Variants in PPM1N observed in about 807,000 individuals in gnomAD.
PPM1N encodes the protein protein phosphatase, Mg2+/Mn2+ dependent 1N (putative).
Under a neutral mutation model 32.6 loss-of-function variants are expected in PPM1N, and 35 were observed. The ratio of observed to expected loss-of-function variants is 1.07; its 90% CI spans 0.82 to 1.43. The LOEUF (loss-of-function observed/expected upper bound fraction) is 1.43. Ranked by LOEUF, PPM1N falls within the 40% of genes most tolerant of loss-of-function variation. The pLI is 0.00. For synonymous variants in PPM1N, 275 were observed against 270.5 expected, an observed-to-expected ratio of 1.02 and a Z score of -0.16; for missense variants, 648 against 606.6, an observed-to-expected ratio of 1.07 and a Z score of -0.72.
chr19:45,499,353 G>T lies in PPM1N; in HGVS notation c.881G>T (p.Arg294Leu). 1 of 1,611,796 alleles carries T rather than the reference G, an allele frequency of 6.2e-7. No individual in the cohort carries two copies. The highest frequency in any genetic ancestry group is 8.5e-7 in the Non-Finnish European group (1 of 1,179,370). ...ALAGLVASRL[R>L]LGLAPELLCA... The stretch of plus-strand genomic sequence containing the variant: ...GCGGGACTGGTGGCTTCACGCCTCC[G>T]CTTGGGCCTGGCCCCAGAGCTTCTC... Residue 294 changes from arginine (R) to leucine (L), a missense_variant, in exon 1 of 5, where the codon CGC becomes CTC. Arg to Leu is a moderately radical substitution (Grantham distance 102, BLOSUM62 -2). Transcript: ENST00000451287.
chr19:45,500,961 C>T (rs1359475326), intron 4 of PPM1N, among the ~76,000 whole-genome samples: 1 of 151,912 alleles, frequency 6.6e-6, no homozygotes, highest in Non-Finnish European at 1.5e-5. Context: ...AGGGATCCTC[C>T]TGCTTTGGCC....
chr19:45,500,480 C>T lies in PPM1N; in HGVS notation c.1082C>T (p.Pro361Leu), dbSNP rs765073032. 9.3e-6 allele frequency: 15 copies of T among 1,610,202 alleles called. 1 individual carries two copies. The South Asian group carries it at 1.6e-4, about 17-fold the overall frequency. Residue 361 changes from proline to leucine, a missense_variant, in exon 3 of 5, where the codon CCC (proline) becomes CTC (leucine). Coordinates refer to ENST00000451287, the MANE Select transcript of PPM1N (RefSeq NM_001080401.2). Reference sequence around the variant, plus strand: ...GAACTGTGTGCCTCTGCTCAGAAGCCCCCCAGCCTGAACACAGTTTTCAGG... The same window carrying T: ...GAACTGTGTGCCTCTGCTCAGAAGCTCCCCAGCCTGAACACAGTTTTCAGG... ...IAELCASAQK[P>L]PSLNTVFRTL...
rs114945372 is a variant in PPM1N, at chr19:45,501,262, G to A, written c.1224+552G>A. Among the ~76,000 whole-genome samples, 672 of 152,324 alleles carry A rather than the reference G, an allele frequency of 4.4e-3. 5 individuals carry two copies. The highest frequency in any genetic ancestry group is 0.016 in the African/African-American group (651 of 41,568). ...GCAGATACCATCAGGACATACATGA[G>A]TATGATCCAGGTCTTAGACAAGAGA... On this transcript the variant is annotated intron_variant, in intron 4 of 4. Coordinates refer to ENST00000451287, the MANE Select transcript of PPM1N (RefSeq NM_001080401.2).
intron 4 of PPM1N, 42 bp from the exon 5 acceptor site, chr19:45,501,975 G>A: frequency 2.3e-6 from 3 of 1,331,360 alleles, no homozygotes; most frequent in Non-Finnish European, 3.0e-6. Flanking sequence ...CAGGAGACAA[G>A]ACAGAATTTC....
rs1174782928 is a variant in PPM1N at position 45,502,335 on chromosome 19, CA to C, written c.*257del. The C allele has an allele frequency of 1.8e-5, 6 of 338,172 alleles. No homozygotes were observed. In the African/African-American group the frequency reaches 2.6e-4, roughly 14 times the overall value. The allele number at this position is 338,172 out of a possible 1,614,324, so 20.9% of individuals were successfully genotyped here. ...AAAAAAAAAAAAAAAAAAAAAAAAA[CA>C]AAAAAACCCAACCAAATGTTTTTGA... On this transcript the variant is annotated 3_prime_UTR_variant, in exon 5 of 5. Coordinates refer to ENST00000451287, the MANE Select transcript of PPM1N (RefSeq NM_001080401.2).
At position 45,499,408 on chromosome 19, in the gene PPM1N, C is replaced by T. The variant is rs1291522400; in HGVS notation, c.936C>T (p.Cys312=). The change falls in exon 1 of 5, where the codon TGC becomes TGT. Residue 312 remains cysteine (C), a synonymous_variant. Transcript: ENST00000451287. ...LCAQLLDTCL[C]KGSLDNMTCI... is the part of the protein sequence containing the mutation. ...CGCAGCTGTTGGACACGTGTCTGTGCAAGGTCCTGGGGGCGTGGCGTGGTA... is the reference window on the plus strand; with the variant it reads ...CGCAGCTGTTGGACACGTGTCTGTGTAAGGTCCTGGGGGCGTGGCGTGGTA... 1 of 1,602,684 alleles carries T rather than the reference C, an allele frequency of 6.2e-7. No homozygotes were observed. Among genetic ancestry groups the T allele is most frequent in the Admixed American group, 1.7e-5 (1 of 58,574 alleles).
chr19:45,499,082 C>G lies in PPM1N; in HGVS notation c.610C>G (p.Arg204Gly). ...CAGCACAGAGGACCACCGGCCCCTT[C>G]GACCCCGGGAACGCGAGCGCATCCA... is the stretch of plus-strand genomic sequence containing the variant. Reference protein sequence around the residue: ...AFSTEDHRPLRPRERERIHAA... With the variant: ...AFSTEDHRPLGPRERERIHAA... Residue 204 changes from arginine to glycine, a missense_variant, in exon 1 of 5, where the codon CGA (arginine) becomes GGA (glycine). Coordinates refer to ENST00000451287, the MANE Select transcript of PPM1N (RefSeq NM_001080401.2). 6.6e-7 allele frequency: 1 copy of G among 1,516,172 alleles called. No homozygotes were observed. 93.9% of individuals were successfully genotyped at this position (1,516,172 alleles called of 1,614,324 possible). A position where few individuals can be genotyped will look rare whatever the true frequency, so the allele number is the denominator to read the frequency against.
At chr19:45,499,585 G>A in intron 1 of PPM1N, 174 bp downstream of exon 1, 1 of 1,549,774 alleles carries the variant, frequency 6.5e-7, no homozygotes, top group South Asian at 1.2e-5. Context: ...TACAGGGGCG[G>A]AGCCTGAGGG....
rs1489252425 is a variant in PPM1N at position 45,498,944 on chromosome 19, G to T, written c.472G>T (p.Val158Leu). The T allele has an allele frequency of 1.9e-6, 3 of 1,550,686 alleles. No homozygotes were observed. Among genetic ancestry groups the T allele is most frequent in the Non-Finnish European group, 2.6e-6 (3 of 1,157,444 alleles). Residue 158 changes from valine to leucine, a missense_variant, in exon 1 of 5, where the codon GTG (valine) becomes TTG (leucine). Coordinates refer to ENST00000451287, the MANE Select transcript of PPM1N (RefSeq NM_001080401.2). Reference sequence around the variant, plus strand: ...GCGCCTGCGCTCCCTCTGGCCCCGCGTGGAAACGGGCGGCTGCACGGCCGT... The same window carrying T: ...GCGCCTGCGCTCCCTCTGGCCCCGCTTGGAAACGGGCGGCTGCACGGCCGT... ...DERLRSLWPR[V>L]ETGGCTAVVL... is the part of the protein sequence containing the mutation.
At position 45,500,062 on chromosome 19, in the gene PPM1N, C is replaced by T. The variant is rs1370938580; in HGVS notation, c.1053C>T (p.Ile351=). 2 of 1,588,786 alleles carry T rather than the reference C, an allele frequency of 1.3e-6. No individual in the cohort carries two copies. The highest frequency in any genetic ancestry group is 3.5e-5 in the Admixed American group (2 of 57,012). ...TGGACGCAGCCCTGGGCTGCAGAAT[C>T]GCTGGTGAGCAGACTCTGGGGGCCC... The part of the protein sequence containing the change: ...LALDAALGCR[I]AELCASAQKP... Residue 351 remains isoleucine (I), a synonymous_variant, in exon 2 of 5, where the codon ATC becomes ATT. Coordinates refer to ENST00000451287, the MANE Select transcript of PPM1N (RefSeq NM_001080401.2).
Position 45,502,066 on chromosome 19 carries a change from C to G in PPM1N, c.1274C>G (p.Ala425Gly). 1.9e-6 allele frequency: 3 copies of G among 1,577,516 alleles called. No homozygotes were observed. Among genetic ancestry groups the G allele is most frequent in the Non-Finnish European group, 2.6e-6 (3 of 1,166,350 alleles). The change falls in exon 5 of 5, where the codon GCC becomes GGC. Residue 425 changes from alanine (A) to glycine (G), a missense_variant. Transcript: ENST00000451287. ...GKSNPTHLGS[A>G]LDMEA ...TCCAACCCCACGCATTTGGGCTCAG[C>G]CTTGGACATGGAGGCCTGACAGCTG...
In PPM1N at chr19:45,500,021, A is replaced by G; in HGVS notation, c.1012A>G (p.Arg338Gly). The change falls in exon 2 of 5, where the codon AGG becomes GGG. Residue 338 changes from arginine to glycine, a missense_variant. Coordinates refer to ENST00000451287, the MANE Select transcript of PPM1N (RefSeq NM_001080401.2). Reference protein sequence around the residue: ...GAPRPSEEAIRRELALDAALG... With the variant: ...GAPRPSEEAIGRELALDAALG... ...CCCTAGGCCTTCTGAGGAGGCGATC[A>G]GGAGGGAGCTAGCACTGGACGCAGC... is the stretch of plus-strand genomic sequence containing the variant. 7 of 1,603,608 alleles carry G rather than the reference A, an allele frequency of 4.4e-6. No individual in the cohort carries two copies. Among genetic ancestry groups the G allele is most frequent in the Non-Finnish European group, 6.0e-6 (7 of 1,174,728 alleles).
chr19:45,499,763 A>G (rs772760119), intron 1 of PPM1N, 186 bp from the exon 2 acceptor site: 2 of 1,512,368 alleles, frequency 1.3e-6, no homozygotes, highest in African/African-American at 1.4e-5. Context: ...GGGAAAAGGC[A>G]TTGTTCTCTC....
rs1448793357 is a variant in PPM1N, at chr19:45,500,474, A to G, written c.1076A>G (p.Gln359Arg). The change falls in exon 3 of 5, where the codon CAG (glutamine) becomes CGG (arginine). Residue 359 changes from glutamine to arginine, a missense_variant. By Grantham distance (43) the Gln-to-Arg change is conservative. Coordinates refer to ENST00000451287, the MANE Select transcript of PPM1N (RefSeq NM_001080401.2). ...CRIAELCASA[Q>R]KPPSLNTVFR... Reference sequence around the variant, plus strand: ...TTCTCAGAACTGTGTGCCTCTGCTCAGAAGCCCCCCAGCCTGAACACAGTT... The same window carrying G: ...TTCTCAGAACTGTGTGCCTCTGCTCGGAAGCCCCCCAGCCTGAACACAGTT... 1 of 1,609,718 alleles carries G rather than the reference A, an allele frequency of 6.2e-7. No individual in the cohort carries two copies. Among genetic ancestry groups the G allele is most frequent in the Admixed American group, 1.7e-5 (1 of 59,438 alleles).
chr19:45,501,887 T>G (rs1599921610), intron 4 of PPM1N, 130 bp from the exon 5 acceptor site: 1 of 538,736 alleles, frequency 1.9e-6, no homozygotes, highest in Non-Finnish European at 3.1e-6. Flanking sequence ...GCACTTGGGG[T>G]TGGGGTCCAC....
Position 45,500,466 on chromosome 19 carries a change from C to T in PPM1N, c.1068C>T (p.Ala356=). Reference sequence around the variant, plus strand: ...TTGACTCTTTCTCAGAACTGTGTGCCTCTGCTCAGAAGCCCCCCAGCCTGA... The same window carrying T: ...TTGACTCTTTCTCAGAACTGTGTGCTTCTGCTCAGAAGCCCCCCAGCCTGA... The part of the protein sequence containing the change: ...ALGCRIAELC[A]SAQKPPSLNT... Residue 356 remains alanine (A), a synonymous_variant, in exon 3 of 5, where the codon GCC becomes GCT. Coordinates refer to ENST00000451287, the MANE Select transcript of PPM1N (RefSeq NM_001080401.2). 1 of 1,607,728 alleles carries T rather than the reference C, an allele frequency of 6.2e-7. No individual in the cohort carries two copies. The highest frequency in any genetic ancestry group is 8.5e-7 in the Non-Finnish European group (1 of 1,177,004).
At position 45,499,281 on chromosome 19, in the gene PPM1N, T is replaced by C. The variant is rs1251688866; in HGVS notation, c.809T>C (p.Leu270Pro). Residue 270 changes from leucine to proline, a missense_variant, in exon 1 of 5, where the codon CTC (leucine) becomes CCC (proline). By Grantham distance (98) the Leu-to-Pro change is moderately conservative. Transcript: ENST00000451287. ...LARQAEDEFM[L>P]LASDGVWDTV... ...CGCCAGGCTGAGGACGAGTTCATGC[T>C]CCTGGCCTCTGATGGCGTCTGGGAC... The C allele has an allele frequency of 6.2e-7, 1 of 1,612,806 alleles. No individual in the cohort carries two copies. Among genetic ancestry groups the C allele is most frequent in the Non-Finnish European group, 8.5e-7 (1 of 1,179,780 alleles).
chr19:45,498,673 C>T lies in PPM1N; in HGVS notation c.201C>T (p.Phe67=), dbSNP rs920876617. The T allele has an allele frequency of 6.9e-7, 1 of 1,441,956 alleles. No homozygotes were observed. 89.3% of individuals were successfully genotyped at this position (1,441,956 alleles called of 1,614,324 possible). ...GGAEASGGLR[F]GASAAQGWRA... ...CCGAGGCGTCTGGGGGCCTGCGCTT[C>T]GGGGCGAGCGCAGCGCAAGGCTGGC... Residue 67 remains phenylalanine (F), a synonymous_variant, in exon 1 of 5, where the codon TTC becomes TTT. Coordinates refer to ENST00000451287, the MANE Select transcript of PPM1N (RefSeq NM_001080401.2).
At position 45,498,738 on chromosome 19, in the gene PPM1N, T is replaced by TACCTG; in HGVS notation, c.267_271dup (p.Gly91AspfsTer57). On this transcript the variant is annotated frameshift_variant, in exon 1 of 5. Transcript: ENST00000451287. LOFTEE classifies it high-confidence loss of function. Reference sequence around the variant, plus strand: ...GATGCTCACTGCACTTGGCTTTCGTTACCTGGTCTGCCCCCGGGCTGGGCC... The same window carrying TACCTG: ...GATGCTCACTGCACTTGGCTTTCGTTACCTGACCTGGTCTGCCCCCGGGCTGGGCC... 1 of 1,553,042 alleles carries TACCTG rather than the reference T, an allele frequency of 6.4e-7. No homozygotes were observed. Among genetic ancestry groups the TACCTG allele is most frequent in the Admixed American group, 1.9e-5 (1 of 51,444 alleles).
Sources: gnomAD v4.1 joint callset for allele counts (sites outside exome capture counted in the v4.1 genomes callset) on GRCh38, gnomAD v4.1.1 for gene constraint, MANE v1.5 for transcripts, NCBI Gene and HGNC (gene_info 2026-07-23, HGNC 2026-07-21) for gene names.